Variants in ARHGAP42 observed in about 807,000 individuals in gnomAD.
The protein encoded by ARHGAP42 is Rho GTPase activating protein 42.
A neutral mutation model predicts 125.0 loss-of-function variants in ARHGAP42; 63 were observed. The observed-to-expected ratio is 0.50, with a 90% CI of 0.41 to 0.62. ARHGAP42 has a LOEUF of 0.62. ARHGAP42 is among the 20% of genes least tolerant of loss of function. ARHGAP42 has a pLI of 0.00. For missense variants in ARHGAP42, 766 were observed against 1,024.2 expected (o/e 0.75, Z 3.44); for synonymous variants, 339 against 351.0 (o/e 0.97, Z 0.38).
intron 8 of ARHGAP42, among the ~76,000 whole-genome samples, chr11:100,938,450 G>C (rs1867793241): frequency 6.6e-6 from 1 of 152,042 alleles, no homozygotes; most frequent in Non-Finnish European, 1.5e-5. Flanking sequence ...CCTCCCCCAA[G>C]ACAATTTCCA....
chr11:100,846,650 T>C (rs372154102), intron 3 of ARHGAP42, among the ~76,000 whole-genome samples: 4 of 152,066 alleles, frequency 2.6e-5, no homozygotes, highest in East Asian at 3.9e-4. Flanking sequence ...AAAATACTCA[T>C]AATCTGGATG....
chr11:100,778,431 C>T (rs193116043), intron 2 of ARHGAP42, among the ~76,000 whole-genome samples: 1 of 152,154 alleles, frequency 6.6e-6, no homozygotes, highest in African/African-American at 2.4e-5. Context: ...ATCAGGAAGT[C>T]GTGTATTAAA....
chr11:100,807,590 C>T (rs1864028483), intron 3 of ARHGAP42, among the ~76,000 whole-genome samples: 1 of 152,152 alleles, frequency 6.6e-6, no homozygotes, highest in Non-Finnish European at 1.5e-5. Flanking sequence ...CAGTAAGTGA[C>T]CACACTTTAC....
chr11:100,901,906 C>T (rs574879191), intron 4 of ARHGAP42, among the ~76,000 whole-genome samples: 24 of 152,344 alleles, frequency 1.6e-4, no homozygotes, highest in African/African-American at 5.3e-4. Flanking sequence ...TTGGCTCGCC[C>T]TCTGTGGGCG....
chr11:100,818,586 C>G (rs1391472618), intron 3 of ARHGAP42, among the ~76,000 whole-genome samples: 1 of 151,956 alleles, frequency 6.6e-6, no homozygotes, highest in Non-Finnish European at 1.5e-5. Context: ...GGAGAAAGGA[C>G]TGTTCAGCTG....
At chr11:100,902,699 C>T (rs971569970) in intron 4 of ARHGAP42, among the ~76,000 whole-genome samples, 1 of 152,024 alleles carries the variant, frequency 6.6e-6, no homozygotes, top group Admixed American at 6.6e-5. Context: ...AGTGCAGACT[C>T]CTGCTGCAGT....
intron 1 of ARHGAP42, among the ~76,000 whole-genome samples, chr11:100,749,628 A>G (rs1862395775): frequency 6.6e-6 from 1 of 152,238 alleles, no homozygotes; most frequent in Non-Finnish European, 1.5e-5. Flanking sequence ...TGCTCCCCCA[A>G]GGGAGAATTA....
Position 100,987,598 on chromosome 11 carries a change from TA to T in ARHGAP42, c.2536+7del. 2 of 1,550,442 alleles carry T rather than the reference TA, an allele frequency of 1.3e-6. No homozygotes were observed. Among genetic ancestry groups the T allele is most frequent in the Non-Finnish European group, 8.7e-7 (1 of 1,145,900 alleles). On this transcript the variant is annotated splice_region_variant and intron_variant, in intron 23 of 23. Coordinates refer to ENST00000298815, the MANE Select transcript of ARHGAP42 (RefSeq NM_152432.4). Reference sequence around the variant, plus strand: ...AGGAGCAATATTTTCTAATGGTAAGTATGTCAATTCCCTCTGCCTAAGTTTG... The same window carrying T: ...AGGAGCAATATTTTCTAATGGTAAGTTGTCAATTCCCTCTGCCTAAGTTTG...
intron 3 of ARHGAP42, among the ~76,000 whole-genome samples, chr11:100,802,358 A>T: frequency 6.6e-6 from 1 of 151,686 alleles, no homozygotes. Context: ...CCTCCATGCC[A>T]CTGGAGGTGA....
chr11:100,838,235 A>G, intron 3 of ARHGAP42, among the ~76,000 whole-genome samples: 1 of 151,966 alleles, frequency 6.6e-6, no homozygotes, highest in East Asian at 1.9e-4. Context: ...GCTTTTTCTC[A>G]TTACTGTTGG....
At chr11:100,773,476 G>A (rs975280692) in intron 2 of ARHGAP42, among the ~76,000 whole-genome samples, 1 of 152,078 alleles carries the variant, frequency 6.6e-6, no homozygotes, top group African/African-American at 2.4e-5. Context: ...CCTATAGTAT[G>A]TTCAGGTTAC....
intron 6 of ARHGAP42, among the ~76,000 whole-genome samples, chr11:100,927,271 C>A (rs550496207): frequency 6.6e-6 from 1 of 152,146 alleles, no homozygotes; most frequent in East Asian, 1.9e-4. Context: ...GAAAGTTTAA[C>A]ATTTTGATGT....
intron 3 of ARHGAP42, among the ~76,000 whole-genome samples, chr11:100,830,566 A>G (rs1864641675): frequency 6.6e-6 from 1 of 152,198 alleles, no homozygotes; most frequent in Non-Finnish European, 1.5e-5. Flanking sequence ...CAGTGTCACA[A>G]GATCCTCAGG....
At chr11:100,949,680 G>A (rs1206509920) in intron 11 of ARHGAP42, among the ~76,000 whole-genome samples, 1 of 152,134 alleles carries the variant, frequency 6.6e-6, no homozygotes, top group Non-Finnish European at 1.5e-5. Context: ...TGAGATGGAG[G>A]TAGAACCTTG....
At chr11:100,835,303 A>T (rs758558385) in intron 3 of ARHGAP42, among the ~76,000 whole-genome samples, 11 of 152,140 alleles carry the variant, frequency 7.2e-5, no homozygotes, top group Non-Finnish European at 1.3e-4. Context: ...TATATTCTGT[A>T]TATACATTAT....
At chr11:100,761,030 C>T (rs1183806554) in intron 1 of ARHGAP42, among the ~76,000 whole-genome samples, 2 of 151,878 alleles carry the variant, frequency 1.3e-5, no homozygotes, top group Non-Finnish European at 2.9e-5. Flanking sequence ...GGTAGGCAGA[C>T]CAGGAAGCCC....
At chr11:100,976,773 G>T (rs747284167) in intron 20 of ARHGAP42, 42 bp from the exon 21 acceptor site, 20 of 1,540,988 alleles carry the variant, frequency 1.3e-5, no homozygotes, top group South Asian at 8.4e-5. Context: ...CTATTATGTT[G>T]TCTAATAGCA....
At chr11:100,945,534 C>G (rs1266571916) in intron 10 of ARHGAP42, among the ~76,000 whole-genome samples, 3 of 152,092 alleles carry the variant, frequency 2.0e-5, no homozygotes, top group Non-Finnish European at 4.4e-5. Context: ...AGAAGTCTAA[C>G]TTATTCCTCT....
Position 100,992,711 on chromosome 11 carries a change from G to C in ARHGAP42, c.*3910G>C, listed in dbSNP as rs761395129. 6 of 1,552,628 alleles carry C rather than the reference G, an allele frequency of 3.9e-6. No individual in the cohort carries two copies. The East Asian group carries it at 1.1e-4, about 29-fold the overall frequency. On this transcript the variant is annotated 3_prime_UTR_variant, in exon 24 of 24. Transcript: ENST00000298815. The stretch of plus-strand genomic sequence containing the variant: ...GGTTTATGAATGATGTGGACTTTTA[G>C]AGGATCAAATCAATAAATTGGATTT...
Sources: gnomAD v4.1 joint callset for allele counts (sites outside exome capture counted in the v4.1 genomes callset) on GRCh38, gnomAD v4.1.1 for gene constraint, MANE v1.5 for transcripts, NCBI Gene and HGNC (gene_info 2026-07-23, HGNC 2026-07-21) for gene names.